Variants in PTPRD observed in about 807,000 individuals in gnomAD.
PTPRD encodes the protein protein tyrosine phosphatase receptor type D, also known as receptor-type tyrosine-protein phosphatase delta.
In PTPRD, 34 loss-of-function variants were observed where a neutral mutation model predicts 214.5. The ratio of observed to expected loss-of-function variants is 0.16; its 90% CI spans 0.12 to 0.21. The LOEUF (loss-of-function observed/expected upper bound fraction) is 0.21. Ranked by LOEUF, PTPRD falls within the 10% of genes least tolerant of loss-of-function variation. The probability of loss-of-function intolerance (pLI) is 1.00; values close to 1 mark genes in which losing one functional copy is unlikely to be tolerated. For missense variants in PTPRD, 2,545 were observed against 2,398.7 expected, an observed-to-expected ratio of 1.06 and a Z score of -1.27; for synonymous variants, 1,128 against 845.7, an observed-to-expected ratio of 1.33 and a Z score of -5.79.
At chr9:9,234,238 A>C (rs1321001277) in intron 9 of PTPRD, among the ~76,000 whole-genome samples, 2 of 152,212 alleles carry the variant, frequency 1.3e-5, no homozygotes, top group African/African-American at 4.8e-5. Context: ...TGGGACTTGC[A>C]TCATCTGAAG....
chr9:10,121,512 C>T (rs1440757179), intron 3 of PTPRD, among the ~76,000 whole-genome samples: 2 of 152,166 alleles, frequency 1.3e-5, no homozygotes, highest in East Asian at 3.9e-4. Context: ...AGCAATATAA[C>T]GTCAACAAAA....
At chr9:10,273,732 T>C (rs138428405) in intron 3 of PTPRD, among the ~76,000 whole-genome samples, 2 of 152,230 alleles carry the variant, frequency 1.3e-5, no homozygotes, top group East Asian at 3.9e-4. Flanking sequence ...TTCTGGTGTG[T>C]AGTCAAGTTT....
intron 10 of PTPRD, among the ~76,000 whole-genome samples, chr9:9,090,652 T>C (rs2099774154): frequency 6.6e-6 from 1 of 152,182 alleles, no homozygotes; most frequent in Non-Finnish European, 1.5e-5. Context: ...GTTGGCAGCC[T>C]GGCACTTTCA....
chr9:9,425,066 T>C (rs959136052), intron 8 of PTPRD, among the ~76,000 whole-genome samples: 3 of 152,176 alleles, frequency 2.0e-5, no homozygotes, highest in Non-Finnish European at 4.4e-5. Context: ...GTATTCATTT[T>C]TGAAAGTAAG....
At chr9:10,582,040 G>T (rs1326012457) in intron 2 of PTPRD, among the ~76,000 whole-genome samples, 1 of 152,030 alleles carries the variant, frequency 6.6e-6, no homozygotes, top group Non-Finnish European at 1.5e-5. Flanking sequence ...TATCCTTTTG[G>T]CAGCCATGAC....
At chr9:8,920,766 A>G (rs2098822075) in intron 11 of PTPRD, among the ~76,000 whole-genome samples, 1 of 152,166 alleles carries the variant, frequency 6.6e-6, no homozygotes, top group African/African-American at 2.4e-5. Context: ...ATGACACAAC[A>G]GAGTCTATTA....
intron 10 of PTPRD, among the ~76,000 whole-genome samples, chr9:9,067,984 A>T (rs2099737550): frequency 6.6e-6 from 1 of 151,572 alleles, no homozygotes; most frequent in Non-Finnish European, 1.5e-5. Flanking sequence ...TCTCTTCCCC[A>T]CCTCTCCCGG....
chr9:8,376,913 T>G (rs2083417975), intron 37 of PTPRD, among the ~76,000 whole-genome samples, 187 bp from the exon 38 acceptor site: 1 of 152,148 alleles, frequency 6.6e-6, no homozygotes, highest in Non-Finnish European at 1.5e-5. Flanking sequence ...AACCACATTT[T>G]TCAAACTGGT....
chr9:8,455,012 G>A (rs7872683), intron 33 of PTPRD, among the ~76,000 whole-genome samples: 57,558 of 151,910 alleles, frequency 0.38, 12,456 homozygotes, highest in African/African-American at 0.61. Context: ...AAAGAAATTC[G>A]TTCATTTAAA....
intron 7 of PTPRD, among the ~76,000 whole-genome samples, chr9:9,575,867 G>T (rs768085392): frequency 1.5e-4 from 23 of 150,100 alleles, no homozygotes; most frequent in Non-Finnish European, 3.0e-4. Flanking sequence ...CACATTACTC[G>T]CCATCAAGTT....
chr9:9,303,902 A>T (rs1358042648), intron 9 of PTPRD, among the ~76,000 whole-genome samples: 4 of 152,098 alleles, frequency 2.6e-5, no homozygotes, highest in Non-Finnish European at 4.4e-5. Context: ...TAATGATTTA[A>T]TTTCCCTTTA....
At chr9:8,843,649 T>G (rs755526409) in intron 11 of PTPRD, among the ~76,000 whole-genome samples, 10 of 152,182 alleles carry the variant, frequency 6.6e-5, no homozygotes, top group Non-Finnish European at 1.3e-4. Flanking sequence ...GTTGGAATAC[T>G]GGGATAAAAA....
intron 12 of PTPRD, among the ~76,000 whole-genome samples, chr9:8,658,823 A>G (rs1000647680): frequency 3.3e-5 from 5 of 152,100 alleles, no homozygotes; most frequent in African/African-American, 1.2e-4. Context: ...AGGCTGGAAT[A>G]CTACATTTCC....
intron 12 of PTPRD, among the ~76,000 whole-genome samples, chr9:8,696,345 ATTCAC>A (rs750110261): frequency 2.4e-4 from 36 of 152,212 alleles, no homozygotes; most frequent in Non-Finnish European, 1.2e-4. Context: ...TCATTGATTT[ATTCAC>A]TTAACTATCA....
chr9:10,602,827 T>G (rs145981665), intron 2 of PTPRD, among the ~76,000 whole-genome samples: 1 of 151,804 alleles, frequency 6.6e-6, no homozygotes, highest in Non-Finnish European at 1.5e-5. Context: ...AACAGTCTCA[T>G]TTCATTATTA....
intron 12 of PTPRD, among the ~76,000 whole-genome samples, chr9:8,656,523 A>G (rs1182822382): frequency 6.6e-6 from 1 of 152,126 alleles, no homozygotes; most frequent in Non-Finnish European, 1.5e-5. Context: ...CTTTCCTTGC[A>G]TAGGTACCAC....
rs759863465 is a variant in PTPRD at position 8,882,884 on chromosome 9, C to CAAAAAAAAAAA, written c.-104+135802_-104+135812dup. On this transcript the variant is annotated intron_variant, in intron 11 of 45. Coordinates refer to ENST00000381196, the MANE Select transcript of PTPRD (RefSeq NM_002839.4). ...TGGGTGACGGAGCAAGGCTCTGTCT[C>CAAAAAAAAAAA]AAAAAAAAAAAAGGTATTTTAGAGC... is the stretch of plus-strand genomic sequence containing the variant. Among the ~76,000 whole-genome samples, 77 of 101,014 alleles carry CAAAAAAAAAAA rather than the reference C, an allele frequency of 7.6e-4. 3 individuals are homozygous for CAAAAAAAAAAA. The highest frequency in any genetic ancestry group is 2.5e-3 in the South Asian group (6 of 2,354). 66.3% of individuals were successfully genotyped at this position (101,014 alleles called of 152,430 possible). A position where few individuals can be genotyped will look rare whatever the true frequency, so the allele number is the denominator to read the frequency against.
intron 11 of PTPRD, among the ~76,000 whole-genome samples, chr9:8,784,114 GTATT>G (rs1414388203): frequency 1.3e-5 from 2 of 152,088 alleles, no homozygotes; most frequent in Admixed American, 1.3e-4. Flanking sequence ...TCACATTACA[GTATT>G]TATTGAATTT....
At chr9:8,760,515 A>AT (rs1565858860) in intron 11 of PTPRD, among the ~76,000 whole-genome samples, 2 of 151,850 alleles carry the variant, frequency 1.3e-5, no homozygotes, top group African/African-American at 4.8e-5. Context: ...TTTCCTCAAA[A>AT]TTTTTTTGAA....
Sources: allele counts gnomAD v4.1 joint callset (sites outside exome capture counted in the v4.1 genomes callset), GRCh38; gene constraint gnomAD v4.1.1; transcripts MANE v1.5; gene names NCBI Gene and HGNC (gene_info 2026-07-23, HGNC 2026-07-21).